Variants in SCAF4 observed in about 807,000 individuals in gnomAD.
SCAF4 encodes SR-related CTD associated factor 4.
In SCAF4, 25 loss-of-function variants were observed where a neutral mutation model predicts 129.8. That is an observed-to-expected ratio of 0.19 (90% CI 0.14 to 0.27). The LOEUF (loss-of-function observed/expected upper bound fraction) is 0.27. Among genes scored for constraint, SCAF4 ranks in the 10% least tolerant of loss-of-function variants. SCAF4 has a pLI of 1.00. For synonymous variants in SCAF4, 551 were observed against 497.7 expected, an observed-to-expected ratio of 1.11 and a Z score of -1.43; for missense variants, 1,246 against 1,457.1, an observed-to-expected ratio of 0.86 and a Z score of 2.36.
chr21:31,722,273 G>A (rs113270924), intron 1 of SCAF4, among the ~76,000 whole-genome samples: 6 of 152,222 alleles, frequency 3.9e-5, no homozygotes, highest in African/African-American at 9.6e-5. Context: ...TTCATTTGGA[G>A]AGTAAGTACA....
Position 31,685,605 on chromosome 21 carries a change from A to T in SCAF4, c.2172T>A (p.Phe724Leu), listed in dbSNP as rs2050101405. The T allele has an allele frequency of 1.2e-6, 2 of 1,614,006 alleles. No homozygotes were observed. The highest frequency in any genetic ancestry group is 1.7e-6 in the Non-Finnish European group (2 of 1,180,024). ...GCATTGGGTTGAATCCTGGGCGCAA[A>T]AATGGTGGAGGAGGAGGGGGAGGAG... ...GVPPPPPPPP[F>L]LRPGFNPMHL... is the part of the protein sequence containing the mutation. The change falls in exon 17 of 20, where the codon TTT becomes TTA. Residue 724 changes from phenylalanine to leucine, a missense_variant. By Grantham distance (22) the Phe-to-Leu change is conservative (BLOSUM62 0). Around this residue, in one of 6 missense-constraint regions of SCAF4, gnomAD observed 468 missense variants for 605.5 expected, o/e 0.77. Transcript: ENST00000286835.
At chr21:31,705,267 A>G (rs192100905) in intron 3 of SCAF4, among the ~76,000 whole-genome samples, 156 bp downstream of exon 3, 1 of 152,316 alleles carries the variant, frequency 6.6e-6, no homozygotes, top group Admixed American at 6.5e-5. Context: ...TGGTACTGCT[A>G]AAAATGTGTT....
intron 19 of SCAF4, among the ~76,000 whole-genome samples, chr21:31,681,459 T>A (rs992224257): frequency 6.6e-6 from 1 of 152,290 alleles, no homozygotes; most frequent in South Asian, 2.1e-4. Flanking sequence ...GTTGTACATA[T>A]TAGAGATACA....
At position 31,671,350 on chromosome 21, in the gene SCAF4, C is replaced by T. The variant is rs752400955; in HGVS notation, c.*49G>A. 4.4e-6 allele frequency: 7 copies of T among 1,574,126 alleles called. No individual in the cohort carries two copies. Among genetic ancestry groups the T allele is most frequent in the Non-Finnish European group, 6.0e-6 (7 of 1,160,174 alleles). On this transcript the variant is annotated 3_prime_UTR_variant, in exon 20 of 20. Coordinates refer to ENST00000286835, the MANE Select transcript of SCAF4 (RefSeq NM_020706.2). Reference sequence around the variant, plus strand: ...TAATACAGCATCTGTACACCTCAAGCTCTACACTCCAGGAAGTGTCACTGT... The same window carrying T: ...TAATACAGCATCTGTACACCTCAAGTTCTACACTCCAGGAAGTGTCACTGT...
intron 1 of SCAF4, among the ~76,000 whole-genome samples, chr21:31,718,857 G>T (rs901126430): frequency 2.0e-5 from 3 of 151,986 alleles, no homozygotes; most frequent in African/African-American, 7.3e-5. Context: ...CAATCTTGTT[G>T]ACTTTTCTTC....
intron 8 of SCAF4, 96 bp downstream of exon 8, chr21:31,696,473 C>T: frequency 3.3e-6 from 4 of 1,206,074 alleles, no homozygotes; most frequent in Non-Finnish European, 4.5e-6. Flanking sequence ...AAAACAACTT[C>T]ATAGAACATT....
chr21:31,682,546 G>C (rs1015554816), intron 19 of SCAF4, among the ~76,000 whole-genome samples: 1 of 152,122 alleles, frequency 6.6e-6, no homozygotes, highest in Non-Finnish European at 1.5e-5. Context: ...CTCACTAAGT[G>C]CCTGCCCTAC....
At chr21:31,678,878 G>A (rs1048721126) in intron 19 of SCAF4, among the ~76,000 whole-genome samples, 3 of 152,182 alleles carry the variant, frequency 2.0e-5, no homozygotes, top group Non-Finnish European at 4.4e-5. Flanking sequence ...GCCCAGGTCT[G>A]CGAAAATATA....
At chr21:31,700,798 C>T (rs2050509733) in intron 7 of SCAF4, 197 bp downstream of exon 7, 3 of 521,052 alleles carry the variant, frequency 5.8e-6, no homozygotes, top group Non-Finnish European at 1.0e-5. Context: ...GCTTCAAACC[C>T]TGGAAATTTT....
At position 31,703,239 on chromosome 21, in the gene SCAF4, A is replaced by C. The variant is rs113746521; in HGVS notation, c.321+526T>G. Among the ~76,000 whole-genome samples the C allele has an allele frequency of 4.9e-3, 746 of 152,202 alleles. 7 individuals are homozygous for C. The highest frequency in any genetic ancestry group is 0.017 in the African/African-American group (705 of 41,552). ...TTTCCTACTGCACAATTTCTTCCTT[A>C]CTCAACTACACAAGCACATCTTTCC... On this transcript the variant is annotated intron_variant, in intron 4 of 19. Transcript: ENST00000286835.
intron 19 of SCAF4, 150 bp downstream of exon 19, chr21:31,684,894 ACAAAC>A: frequency 1.8e-6 from 1 of 550,184 alleles, no homozygotes; most frequent in South Asian, 2.1e-5. Context: ...TTCCTCAAAA[ACAAAC>A]AAACAAACAA....
rs755634402 is a variant in SCAF4, at chr21:31,693,248, A to T, written c.1513+46T>A. The T allele has an allele frequency of 5.4e-6, 7 of 1,299,068 alleles. No individual in the cohort carries two copies. The Admixed American group carries it at 1.1e-4, about 21-fold the overall frequency. The allele number at this position is 1,299,068 out of a possible 1,614,324, so 80.5% of individuals were successfully genotyped here. On this transcript the variant is annotated intron_variant, in intron 12 of 19. Coordinates refer to ENST00000286835, the MANE Select transcript of SCAF4 (RefSeq NM_020706.2). ...AGTTATAAAACACTTTAAACCCAAG[A>T]CATGAAAAAATAGTACATGAGGTTT... is the stretch of plus-strand genomic sequence containing the variant.
intron 15 of SCAF4, 108 bp from the exon 16 acceptor site, chr21:31,688,572 A>C: frequency 1.2e-6 from 1 of 847,356 alleles, no homozygotes; most frequent in Non-Finnish European, 1.9e-6. Flanking sequence ...TTATTAAAGA[A>C]ATTCCCATGC....
At chr21:31,699,546 A>AAAATG (rs1352310678) in intron 7 of SCAF4, among the ~76,000 whole-genome samples, 3 of 152,106 alleles carry the variant, frequency 2.0e-5, no homozygotes, top group African/African-American at 7.2e-5. Context: ...TTTACTCAAA[A>AAAATG]AAATGTATCC....
At chr21:31,717,900 TATATACACAC>T (rs1441629340) in intron 1 of SCAF4, among the ~76,000 whole-genome samples, 26 of 78,646 alleles carry the variant, frequency 3.3e-4, no homozygotes, top group African/African-American at 1.2e-3. Flanking sequence ...TATATACACA[TATATACACAC>T]ACACACACAC....
In SCAF4 at chr21:31,685,583, T is replaced by C; in HGVS notation, c.2194A>G (p.Met732Val). 1 of 1,613,998 alleles carries C rather than the reference T, an allele frequency of 6.2e-7. No homozygotes were observed. ...PPFLRPGFNPMHLPPGFLPPG... is the reference protein window; with the variant it reads ...PPFLRPGFNPVHLPPGFLPPG... ...TTTAGTGTACCTGGTGGTAAATGCA[T>C]TGGGTTGAATCCTGGGCGCAAAAAT... The change falls in exon 17 of 20, where the codon ATG (methionine) becomes GTG (valine). Residue 732 changes from methionine to valine, a missense_variant. Met to Val is a conservative substitution (Grantham distance 21). This residue lies in a region of SCAF4 where 468 missense variants were observed against 605.5 expected (regional missense o/e 0.77). Transcript: ENST00000286835.
At chr21:31,718,641 T>C (rs1043535998) in intron 1 of SCAF4, among the ~76,000 whole-genome samples, 12 of 152,226 alleles carry the variant, frequency 7.9e-5, no homozygotes, top group African/African-American at 2.2e-4. Flanking sequence ...CTCTACCATT[T>C]TCCTGCTCCG....
At chr21:31,677,105 G>A (rs1601177156) in intron 19 of SCAF4, among the ~76,000 whole-genome samples, 1 of 151,546 alleles carries the variant, frequency 6.6e-6, no homozygotes, top group Non-Finnish European at 1.5e-5. Context: ...TTTTTAAAAA[G>A]GTCTTTAGAA....
intron 1 of SCAF4, among the ~76,000 whole-genome samples, chr21:31,730,048 G>A (rs2051310230): frequency 6.6e-6 from 1 of 152,204 alleles, no homozygotes; most frequent in Non-Finnish European, 1.5e-5. Flanking sequence ...CACATTCATT[G>A]TTGGGAGAAA....
Sources: gnomAD v4.1 joint callset for allele counts (sites outside exome capture counted in the v4.1 genomes callset) on GRCh38, gnomAD v4.1.1 for gene constraint, gnomAD v4.1.1 regional missense constraint, MANE v1.5 for transcripts, NCBI Gene and HGNC (gene_info 2026-07-23, HGNC 2026-07-21) for gene names.